The following PID1 variants were observed in gnomAD, a reference collection of about 807,000 sequenced individuals.
PID1 encodes PTB-containing, cubilin and LRP1-interacting protein.
PID1 carries 10 observed loss-of-function variants against 19.1 expected under a neutral mutation model. The observed-to-expected ratio is 0.52, with a 90% confidence interval of 0.32 to 0.89. The LOEUF (loss-of-function observed/expected upper bound fraction) is 0.89. Ranked by LOEUF, PID1 falls within the 40% of genes least tolerant of loss-of-function variation. The probability of loss-of-function intolerance (pLI) is 0.03; values close to 1 mark genes in which losing one functional copy is unlikely to be tolerated. For missense variants in PID1, 248 were observed against 285.3 expected, an observed-to-expected ratio of 0.87 and a Z score of 0.94; for synonymous variants, 130 against 116.0, an observed-to-expected ratio of 1.12 and a Z score of -0.78.
At chr2:229,099,374 C>A (rs758719520) in intron 2 of PID1, among the ~76,000 whole-genome samples, 3 of 152,132 alleles carry the variant, frequency 2.0e-5, no homozygotes, top group Non-Finnish European at 4.4e-5. Flanking sequence ...GGCAAATTTG[C>A]ACCCCCTGGC....
chr2:229,214,853 T>TACAC (rs201212588), intron 1 of PID1, among the ~76,000 whole-genome samples: 339 of 148,958 alleles, frequency 2.3e-3, no homozygotes, highest in Middle Eastern at 3.5e-3. Flanking sequence ...TTTATATAGA[T>TACAC]ACACACACAC....
intron 1 of PID1, chr2:229,228,066 G>T (rs1468825938): frequency 2.2e-6 from 1 of 455,732 alleles, no homozygotes; most frequent in Non-Finnish European, 4.4e-6. Context: ...CAGCCATCCT[G>T]CAACCAAAAG....
At chr2:229,220,990 T>C (rs1377104842) in intron 1 of PID1, among the ~76,000 whole-genome samples, 1 of 152,170 alleles carries the variant, frequency 6.6e-6, no homozygotes, top group Non-Finnish European at 1.5e-5. Context: ...TTCAAAAACA[T>C]TCCCAAACTG....
intron 2 of PID1, among the ~76,000 whole-genome samples, chr2:229,069,902 G>A (rs1371393437): frequency 6.6e-6 from 1 of 152,114 alleles, no homozygotes; most frequent in Non-Finnish European, 1.5e-5. Context: ...TCACACACAA[G>A]CACAAATCAA....
At chr2:229,191,274 G>A (rs1475419820) in intron 1 of PID1, among the ~76,000 whole-genome samples, 1 of 152,128 alleles carries the variant, frequency 6.6e-6, no homozygotes, top group East Asian at 1.9e-4. Context: ...GAACAAGTGG[G>A]CTAAAGGAAA....
At chr2:229,154,702 G>A (rs562670607) in intron 2 of PID1, among the ~76,000 whole-genome samples, 8 of 152,234 alleles carry the variant, frequency 5.3e-5, no homozygotes, top group Non-Finnish European at 1.2e-4. Context: ...AGTATATCTC[G>A]AAAGCAATAA....
chr2:229,076,926 G>C (rs1333151967), intron 2 of PID1, among the ~76,000 whole-genome samples: 1 of 152,188 alleles, frequency 6.6e-6, no homozygotes, highest in African/African-American at 2.4e-5. Context: ...TGGGATTGCT[G>C]GGTCAAATGG....
chr2:229,112,661 T>C (rs906052513), intron 2 of PID1, among the ~76,000 whole-genome samples: 1 of 152,080 alleles, frequency 6.6e-6, no homozygotes, highest in African/African-American at 2.4e-5. Flanking sequence ...AATTTTTTTA[T>C]TTTAGTAGAC....
Position 229,152,633 on chromosome 2 carries a change from T to A in PID1, c.177+3185A>T, listed in dbSNP as rs1435819001. On this transcript the variant is annotated intron_variant, in intron 2 of 2. Coordinates refer to ENST00000392055, the MANE Select transcript of PID1 (RefSeq NM_001100818.2). Reference sequence around the variant, plus strand: ...AGAGTCCTAATGCACTGCAGTGGGTTGTACAGTTAAATAACTCTACTCCAG... The same window carrying A: ...AGAGTCCTAATGCACTGCAGTGGGTAGTACAGTTAAATAACTCTACTCCAG... Among the ~76,000 whole-genome samples the A allele has an allele frequency of 1.7e-4, 26 of 150,744 alleles. No homozygotes were observed. In the Admixed American group the frequency reaches 1.7e-3, roughly 10 times the overall value.
At chr2:229,054,598 T>C (rs747880783) in intron 2 of PID1, among the ~76,000 whole-genome samples, 8 of 151,638 alleles carry the variant, frequency 5.3e-5, no homozygotes, top group Non-Finnish European at 7.4e-5. Context: ...ATATGGTACA[T>C]TGTCTAGACC....
chr2:229,246,954 G>A (rs1197387142), intron 1 of PID1, among the ~76,000 whole-genome samples: 1 of 151,992 alleles, frequency 6.6e-6, no homozygotes, highest in Non-Finnish European at 1.5e-5. Flanking sequence ...AATAACCAAA[G>A]CCACAGACAA....
At chr2:229,026,816 G>T (rs1430813956) in intron 2 of PID1, among the ~76,000 whole-genome samples, 6 of 152,196 alleles carry the variant, frequency 3.9e-5, no homozygotes, top group African/African-American at 4.8e-5. Context: ...TTATCACCTA[G>T]CTAGGTAGGC....
chr2:229,073,056 C>T (rs902966194), intron 2 of PID1, among the ~76,000 whole-genome samples: 19 of 152,164 alleles, frequency 1.2e-4, no homozygotes, highest in African/African-American at 2.9e-4. Context: ...GACGGAGTCT[C>T]GCTCTGTCAC....
At chr2:229,042,595 G>A (rs1010909777) in intron 2 of PID1, among the ~76,000 whole-genome samples, 6 of 152,150 alleles carry the variant, frequency 3.9e-5, no homozygotes, top group Admixed American at 3.9e-4. Context: ...GGGAGGAGGA[G>A]GAGAGTGTAT....
chr2:229,086,825 T>C (rs1183274152), intron 2 of PID1, among the ~76,000 whole-genome samples: 2 of 152,116 alleles, frequency 1.3e-5, no homozygotes, highest in Non-Finnish European at 2.9e-5. Context: ...TCTTTCAGTA[T>C]AGCATGCTTC....
intron 1 of PID1, among the ~76,000 whole-genome samples, chr2:229,251,738 T>C (rs957690424): frequency 2.6e-5 from 4 of 151,804 alleles, no homozygotes; most frequent in Admixed American, 6.6e-5. Context: ...AAAAGACAAA[T>C]AGCATCAGTT....
intron 2 of PID1, among the ~76,000 whole-genome samples, chr2:229,114,079 T>C (rs1374100453): frequency 6.6e-6 from 1 of 150,732 alleles, no homozygotes; most frequent in Admixed American, 6.6e-5. Flanking sequence ...TGGCCTACCT[T>C]GTAAATTTTG....
At position 229,025,414 on chromosome 2, in the gene PID1, C is replaced by T; in HGVS notation, c.*218G>A. 1 of 568,208 alleles carries T rather than the reference C, an allele frequency of 1.8e-6. No individual in the cohort carries two copies. Among genetic ancestry groups the T allele is most frequent in the Non-Finnish European group, 3.1e-6 (1 of 318,354 alleles). The allele number at this position is 568,208 out of a possible 1,614,324, so 35.2% of individuals were successfully genotyped here. ...AGAACCTTCCTCCCCATCCACACTC[C>T]CACCCTCCTCACAGTCACAGCAGCA... is the stretch of plus-strand genomic sequence containing the variant. On this transcript the variant is annotated 3_prime_UTR_variant, in exon 3 of 3. Transcript: ENST00000392055.
chr2:229,138,136 G>A (rs1226224783), intron 2 of PID1, among the ~76,000 whole-genome samples: 1 of 152,162 alleles, frequency 6.6e-6, no homozygotes, highest in Non-Finnish European at 1.5e-5. Context: ...CAAATTTGCA[G>A]GTTCCACTGT....
Sources: allele counts gnomAD v4.1 joint callset (sites outside exome capture counted in the v4.1 genomes callset), GRCh38; gene constraint gnomAD v4.1.1; transcripts MANE v1.5; gene names NCBI Gene and HGNC (gene_info 2026-07-23, HGNC 2026-07-21).